SIRT1: variants seen among roughly 807,000 people sequenced by gnomAD.
SIRT1 encodes NAD-dependent protein deacetylase sirtuin-1.
In SIRT1, 24 loss-of-function variants were observed where a neutral mutation model predicts 67.9. That is an observed-to-expected ratio of 0.35 (90% confidence interval 0.26 to 0.50). SIRT1 has a LOEUF of 0.50. Ranked by LOEUF, SIRT1 falls within the 20% of genes least tolerant of loss-of-function variation. The probability of loss-of-function intolerance (pLI) is 0.98; values close to 1 mark genes in which losing one functional copy is unlikely to be tolerated. For synonymous variants in SIRT1, 378 were observed against 350.7 expected, an observed-to-expected ratio of 1.08 and a Z score of -0.87; for missense variants, 873 against 937.2, an observed-to-expected ratio of 0.93 and a Z score of 0.89.
intron 6 of SIRT1, among the ~76,000 whole-genome samples, chr10:67,908,397 T>C (rs1842851648): frequency 6.6e-6 from 1 of 152,188 alleles, no homozygotes; most frequent in Non-Finnish European, 1.5e-5. Flanking sequence ...GTTGTTGTTG[T>C]AGTAGTTTTT....
intron 4 of SIRT1, among the ~76,000 whole-genome samples, chr10:67,902,092 G>C (rs561975321): frequency 6.6e-6 from 1 of 152,288 alleles, no homozygotes; most frequent in East Asian, 1.9e-4. Context: ...AGGTACAAGC[G>C]ATTCTCCTGC....
intron 3 of SIRT1, among the ~76,000 whole-genome samples, chr10:67,890,743 A>G (rs535292696): frequency 5.3e-5 from 8 of 151,762 alleles, no homozygotes; most frequent in Non-Finnish European, 1.2e-4. Flanking sequence ...AAGAAAAAAA[A>G]CAAAAAGCCG....
chr10:67,899,256 C>T (rs948330795), intron 4 of SIRT1, among the ~76,000 whole-genome samples: 3 of 151,460 alleles, frequency 2.0e-5, no homozygotes, highest in Non-Finnish European at 2.9e-5. Flanking sequence ...GCCACTGCCA[C>T]CTGTATCCAC....
At chr10:67,889,422 G>A (rs908578785) in intron 3 of SIRT1, among the ~76,000 whole-genome samples, 10 of 152,180 alleles carry the variant, frequency 6.6e-5, no homozygotes, top group Non-Finnish European at 1.5e-4. Context: ...TTGAAACTCT[G>A]CTTTTGTTAA....
At chr10:67,892,135 T>A (rs1842583633) in intron 4 of SIRT1, among the ~76,000 whole-genome samples, 1 of 152,200 alleles carries the variant, frequency 6.6e-6, no homozygotes. Context: ...CATATTGGAT[T>A]TTAGAGATCC....
Position 67,909,256 on chromosome 10 carries a change from G to T in SIRT1, c.1171G>T (p.Val391Leu). 6.3e-7 allele frequency: 1 copy of T among 1,585,462 alleles called. No individual in the cohort carries two copies. The highest frequency in any genetic ancestry group is 2.3e-5 in the East Asian group (1 of 44,390). Residue 391 changes from valine (V) to leucine (L), a missense_variant and splice_region_variant, in exon 7 of 9, where the codon GTA (valine) becomes TTA (leucine). Val to Leu is a conservative substitution (Grantham distance 32, BLOSUM62 1). This residue lies in a region of SIRT1 where 251 missense variants were observed against 358.8 expected (regional missense o/e 0.70). Coordinates refer to ENST00000212015, the MANE Select transcript of SIRT1 (RefSeq NM_012238.5). Reference sequence around the variant, plus strand: ...TCAACCAAAATCTGAAAATATGTAGGTAGTTCCTCGATGTCCTAGGTGCCC... The same window carrying T: ...TCAACCAAAATCTGAAAATATGTAGTTAGTTCCTCGATGTCCTAGGTGCCC... ...EAVRGDIFNQ[V>L]VPRCPRCPAD...
At chr10:67,903,203 TC>T (rs1183299603) in intron 4 of SIRT1, among the ~76,000 whole-genome samples, 1 of 152,118 alleles carries the variant, frequency 6.6e-6, no homozygotes, top group East Asian at 1.9e-4. Context: ...CAAGTGATTC[TC>T]CCTCCTCTGT....
Position 67,885,941 on chromosome 10 carries a change from C to CTTTT in SIRT1, c.430+810_430+813dup, listed in dbSNP as rs766544980. ...GCAGTTGTCATGTTCTTGAAGGTTT[C>CTTTT]TTTTTTTTTTTTTTTTTTTTTTTGA... On this transcript the variant is annotated intron_variant, in intron 1 of 8. Transcript: ENST00000212015. Among the ~76,000 whole-genome samples the CTTTT allele has an allele frequency of 2.2e-3, 214 of 95,550 alleles. 3 individuals are homozygous for CTTTT. Among genetic ancestry groups the CTTTT allele is most frequent in the East Asian group, 6.5e-3 (18 of 2,790 alleles). The allele number at this position is 95,550 out of a possible 152,430, so 62.7% of individuals were successfully genotyped here.
At position 67,903,510 on chromosome 10, in the gene SIRT1, G is replaced by T. The variant is rs946292452; in HGVS notation, c.943-3280G>T. ...CGCCATTCTCCTGCCTTAGCCTCCC[G>T]AGTAGTGGGACTACAGGCACCCGCC... On this transcript the variant is annotated intron_variant, in intron 4 of 8. Transcript: ENST00000212015. 2.0e-5 allele frequency among the ~76,000 whole-genome samples: 3 copies of T among 150,254 alleles called. No individual in the cohort carries two copies. The East Asian group carries it at 5.9e-4, about 29-fold the overall frequency.
chr10:67,889,698 A>G (rs1282785311), intron 3 of SIRT1, among the ~76,000 whole-genome samples: 2 of 152,198 alleles, frequency 1.3e-5, no homozygotes, highest in Admixed American at 6.5e-5. Context: ...AACCAGAGCA[A>G]CTGCTGTAGT....
At chr10:67,891,775 A>G (rs1051912914) in intron 4 of SIRT1, among the ~76,000 whole-genome samples, 3 of 152,334 alleles carry the variant, frequency 2.0e-5, no homozygotes, top group Admixed American at 1.3e-4. Context: ...GAGATAGTTC[A>G]TATTTTTAAA....
chr10:67,916,113 C>T, intron 8 of SIRT1, 152 bp from the exon 9 acceptor site: 2 of 667,506 alleles, frequency 3.0e-6, no homozygotes, highest in African/African-American at 1.8e-5. Flanking sequence ...GCAGGCACAC[C>T]ATGCCTCCCA....
chr10:67,914,708 A>T (rs566182234), intron 8 of SIRT1, among the ~76,000 whole-genome samples: 34 of 151,526 alleles, frequency 2.2e-4, no homozygotes, highest in East Asian at 7.8e-4. Context: ...ATTTTTTTTT[A>T]AATTTATTTA....
intron 4 of SIRT1, among the ~76,000 whole-genome samples, chr10:67,901,235 C>T (rs1451873884): frequency 2.0e-5 from 3 of 151,930 alleles, no homozygotes; most frequent in Non-Finnish European, 4.4e-5. Context: ...TGGCCTCAAG[C>T]GATCCTCCCA....
rs1842525568 is a variant in SIRT1 at position 67,888,790 on chromosome 10, C to T, written c.548-92C>T. 10 of 1,403,214 alleles carry T rather than the reference C, an allele frequency of 7.1e-6. No individual in the cohort carries two copies. In the South Asian group the frequency reaches 7.8e-5, roughly 11 times the overall value. The allele number at this position is 1,403,214 out of a possible 1,614,324, so 86.9% of individuals were successfully genotyped here. On this transcript the variant is annotated intron_variant, in intron 2 of 8. Coordinates refer to ENST00000212015, the MANE Select transcript of SIRT1 (RefSeq NM_012238.5). ...TGCATTTTCTTACTTTGCAAAAAACCCTCACAGAATGCTAACTCATTACTT... is the reference window on the plus strand; with the variant it reads ...TGCATTTTCTTACTTTGCAAAAAACTCTCACAGAATGCTAACTCATTACTT...
At position 67,916,642 on chromosome 10, in the gene SIRT1, T is replaced by C. The variant is rs1314886090; in HGVS notation, c.*49T>C. The C allele has an allele frequency of 6.8e-7, 1 of 1,469,348 alleles. No homozygotes were observed. Among genetic ancestry groups the C allele is most frequent in the South Asian group, 1.3e-5 (1 of 76,352 alleles). The allele number at this position is 1,469,348 out of a possible 1,614,324, so 91.0% of individuals were successfully genotyped here. ...AATTGTTCCACCAGCATTAGGAACT[T>C]TAGCATGTCAAAATGAATGTTTACT... On this transcript the variant is annotated 3_prime_UTR_variant, in exon 9 of 9. Transcript: ENST00000212015.
At chr10:67,906,695 A>T (rs753338024) in intron 4 of SIRT1, 95 bp from the exon 5 acceptor site, 7 of 1,201,092 alleles carry the variant, frequency 5.8e-6, no homozygotes, top group Non-Finnish European at 8.3e-6. Flanking sequence ...TTTTAAAATT[A>T]TGTGTGTGGG....
chr10:67,916,969 AT>A lies in SIRT1; in HGVS notation c.*378del, dbSNP rs1432279767. On this transcript the variant is annotated 3_prime_UTR_variant, in exon 9 of 9. Coordinates refer to ENST00000212015, the MANE Select transcript of SIRT1 (RefSeq NM_012238.5). ...TTTCAAAAAGCCATCGGAATGTTAA[AT>A]TAATGTAAAGGGAACAGCTAATCTA... is the stretch of plus-strand genomic sequence containing the variant. 6.4e-6 allele frequency: 1 copy of A among 155,330 alleles called. No individual in the cohort carries two copies. Among genetic ancestry groups the A allele is most frequent in the Non-Finnish European group, 1.4e-5 (1 of 70,102 alleles). 9.6% of individuals were successfully genotyped at this position (155,330 alleles called of 1,614,324 possible).
At chr10:67,892,982 T>C (rs1489382781) in intron 4 of SIRT1, among the ~76,000 whole-genome samples, 1 of 152,260 alleles carries the variant, frequency 6.6e-6, no homozygotes, top group African/African-American at 2.4e-5. Flanking sequence ...ACAGCTCTGC[T>C]TTAGCATAGA....
Sources: gnomAD v4.1 joint callset for allele counts (sites outside exome capture counted in the v4.1 genomes callset) on GRCh38, gnomAD v4.1.1 for gene constraint, gnomAD v4.1.1 regional missense constraint, MANE v1.5 for transcripts, NCBI Gene and HGNC (gene_info 2026-07-23, HGNC 2026-07-21) for gene names.